KLHL24: variants seen among roughly 807,000 people sequenced by gnomAD.
The protein encoded by KLHL24 is kelch-like protein 24.
A neutral mutation model predicts 53.4 loss-of-function variants in KLHL24; 29 were observed. The observed-to-expected ratio is 0.54, with a 90% CI of 0.40 to 0.74. The LOEUF (loss-of-function observed/expected upper bound fraction) is 0.74, where lower values mean the gene tolerates loss of function less well. Among genes scored for constraint, KLHL24 ranks in the 30% least tolerant of loss-of-function variants. KLHL24 has a pLI of 0.00. For missense variants in KLHL24, 504 were observed against 744.0 expected (o/e 0.68, Z 3.75); for synonymous variants, 222 against 253.7 (o/e 0.88, Z 1.19).
intron 7 of KLHL24, among the ~76,000 whole-genome samples, chr3:183,673,883 T>C (rs1721706697): frequency 6.6e-6 from 1 of 152,226 alleles, no homozygotes; most frequent in African/African-American, 2.4e-5. Flanking sequence ...GTCTTCCAAG[T>C]CTGTATCGCC....
At chr3:183,651,376 C>A in intron 3 of KLHL24, 100 bp downstream of exon 3, 1 of 748,306 alleles carries the variant, frequency 1.3e-6, no homozygotes. Context: ...GCACTGTCTA[C>A]CTGTGGCTGT....
chr3:183,669,328 G>A (rs1462337965), intron 5 of KLHL24, among the ~76,000 whole-genome samples: 1 of 151,862 alleles, frequency 6.6e-6, no homozygotes, highest in Non-Finnish European at 1.5e-5. Flanking sequence ...CTCCAGCCTG[G>A]GCAACAAGAG....
chr3:183,648,184 A>G (rs1435307369), intron 2 of KLHL24, among the ~76,000 whole-genome samples: 1 of 152,204 alleles, frequency 6.6e-6, no homozygotes, highest in African/African-American at 2.4e-5. Context: ...GAAAATTGCA[A>G]GTATCTAGTG....
At chr3:183,652,994 G>A (rs1718340624) in intron 3 of KLHL24, among the ~76,000 whole-genome samples, 1 of 152,170 alleles carries the variant, frequency 6.6e-6, no homozygotes, top group Admixed American at 6.5e-5. Flanking sequence ...TAATTTGAAT[G>A]CAATCAGATT....
At chr3:183,670,964 AT>A in intron 5 of KLHL24, 69 bp from the exon 6 acceptor site, 1 of 1,067,568 alleles carries the variant, frequency 9.4e-7, no homozygotes, top group South Asian at 1.5e-5. Context: ...AGATCCCTTA[AT>A]TCTTTAGCCA....
intron 3 of KLHL24, among the ~76,000 whole-genome samples, chr3:183,659,396 G>T (rs933798269): frequency 3.9e-5 from 6 of 152,248 alleles, no homozygotes; most frequent in African/African-American, 7.2e-5. Flanking sequence ...AATTAGCTGG[G>T]CATGGTGGTG....
At chr3:183,667,688 G>A (rs986647532) in intron 5 of KLHL24, among the ~76,000 whole-genome samples, 28 of 151,954 alleles carry the variant, frequency 1.8e-4, no homozygotes, top group Admixed American at 4.6e-4. Flanking sequence ...GGACTGCTGC[G>A]TAGAATACTA....
intron 1 of KLHL24, among the ~76,000 whole-genome samples, chr3:183,642,540 A>T (rs1411121557): frequency 1.4e-5 from 2 of 143,378 alleles, no homozygotes; most frequent in Non-Finnish European, 3.0e-5. Context: ...TACTATTGCT[A>T]TTCTGTACAC....
intron 5 of KLHL24, among the ~76,000 whole-genome samples, chr3:183,668,759 GC>G (rs1720923536): frequency 6.6e-6 from 1 of 152,142 alleles, no homozygotes; most frequent in African/African-American, 2.4e-5. Context: ...CAAAAAATTA[GC>G]TGGGCATAGT....
chr3:183,666,155 A>G (rs1720526562), intron 5 of KLHL24, among the ~76,000 whole-genome samples: 1 of 152,214 alleles, frequency 6.6e-6, no homozygotes, highest in Non-Finnish European at 1.5e-5. Flanking sequence ...GGCTGGGATT[A>G]TAGTTATGAG....
chr3:183,639,755 C>G (rs756266762), intron 1 of KLHL24, among the ~76,000 whole-genome samples: 1 of 151,984 alleles, frequency 6.6e-6, no homozygotes, highest in Non-Finnish European at 1.5e-5. Flanking sequence ...CTTGTAATCC[C>G]AGCACTTTGG....
chr3:183,645,017 A>G (rs1028382788), intron 2 of KLHL24, among the ~76,000 whole-genome samples: 7 of 152,220 alleles, frequency 4.6e-5, no homozygotes, highest in Non-Finnish European at 8.8e-5. Context: ...ACTTGTGTGA[A>G]TTTTTTGAAC....
chr3:183,651,369 C>A, intron 3 of KLHL24, 93 bp downstream of exon 3: 1 of 784,238 alleles, frequency 1.3e-6, no homozygotes, highest in Non-Finnish European at 2.0e-6. Context: ...TTTATATGCA[C>A]TGTCTACCTG....
At chr3:183,661,582 C>CA (rs1424440263) in intron 3 of KLHL24, among the ~76,000 whole-genome samples, 35 of 152,290 alleles carry the variant, frequency 2.3e-4, no homozygotes, top group African/African-American at 8.4e-4. Flanking sequence ...TTCAGATAGA[C>CA]ACACATTCTA....
chr3:183,650,088 A>G lies in KLHL24; in HGVS notation c.-61-208A>G, dbSNP rs1717916775. On this transcript the variant is annotated intron_variant, in intron 2 of 7. Coordinates refer to ENST00000242810, the MANE Select transcript of KLHL24 (RefSeq NM_017644.3). This position sits in a 1 kb window ranked among gnomAD's most constrained non-coding sequence, Gnocchi z 4.5. ...CCTTTCAGCTAGAAAAGGGGAGCTTAAGGAGTACTATTGCAAATTACCCCA... is the reference window on the plus strand; with the variant it reads ...CCTTTCAGCTAGAAAAGGGGAGCTTGAGGAGTACTATTGCAAATTACCCCA... 6.6e-6 allele frequency among the ~76,000 whole-genome samples: 1 copy of G among 152,202 alleles called. No individual in the cohort carries two copies. The highest frequency in any genetic ancestry group is 2.1e-4 in the South Asian group (1 of 4,830).
At chr3:183,672,721 G>A (rs973346091) in intron 7 of KLHL24, 4 of 230,490 alleles carry the variant, frequency 1.7e-5, no homozygotes, top group Non-Finnish European at 2.5e-5. Flanking sequence ...ATGGCCAGGC[G>A]TGGTGGTTCA....
chr3:183,667,268 T>C (rs1232360139), intron 5 of KLHL24, among the ~76,000 whole-genome samples: 2 of 152,064 alleles, frequency 1.3e-5, no homozygotes, highest in Non-Finnish European at 2.9e-5. Flanking sequence ...ATACACAAAT[T>C]AGCCGGGCAT....
intron 3 of KLHL24, among the ~76,000 whole-genome samples, chr3:183,658,638 ATAT>A (rs904845726): frequency 6.6e-6 from 1 of 152,190 alleles, no homozygotes; most frequent in African/African-American, 2.4e-5. Context: ...ATCTTTACAG[ATAT>A]TATAAAAATT....
chr3:183,673,141 G>A (rs1721582852), intron 7 of KLHL24: 1 of 152,274 alleles, frequency 6.6e-6, no homozygotes, highest in East Asian at 1.9e-4. Context: ...GGAGGCAGAG[G>A]TTGCAGTGAG....
Sources: allele counts gnomAD v4.1 joint callset (sites outside exome capture counted in the v4.1 genomes callset), GRCh38; gene constraint gnomAD v4.1.1; non-coding constraint Gnocchi (gnomAD v3.1); transcripts MANE v1.5; gene names NCBI Gene and HGNC (gene_info 2026-07-23, HGNC 2026-07-21).